RNF180: variants seen among roughly 807,000 people sequenced by gnomAD.
The protein encoded by RNF180 is ring finger protein 180.
A neutral mutation model predicts 59.2 loss-of-function variants in RNF180; 38 were observed. That is an observed-to-expected ratio of 0.64 (90% confidence interval 0.50 to 0.84). RNF180 has a LOEUF of 0.84. Among genes scored for constraint, RNF180 ranks in the 40% least tolerant of loss-of-function variants. The pLI, the probability that RNF180 is intolerant of heterozygous loss-of-function variation, is 0.00. For synonymous variants in RNF180, 262 were observed against 240.3 expected, an observed-to-expected ratio of 1.09 and a Z score of -0.84; for missense variants, 705 against 700.9, an observed-to-expected ratio of 1.01 and a Z score of -0.07.
At chr5:64,249,417 A>G (rs796612223) in intron 5 of RNF180, among the ~76,000 whole-genome samples, 36 of 152,276 alleles carry the variant, frequency 2.4e-4, no homozygotes, top group African/African-American at 8.2e-4. Flanking sequence ...GATTTAGTCA[A>G]AGTGCTAAAG....
At chr5:64,239,462 T>C (rs1039187222) in intron 5 of RNF180, among the ~76,000 whole-genome samples, 6 of 152,166 alleles carry the variant, frequency 3.9e-5, no homozygotes, top group African/African-American at 1.4e-4. Context: ...AATGCACTTT[T>C]TTGGAAGAGC....
At chr5:64,222,332 A>C (rs1201661451) in intron 5 of RNF180, among the ~76,000 whole-genome samples, 1 of 152,136 alleles carries the variant, frequency 6.6e-6, no homozygotes, top group Non-Finnish European at 1.5e-5. Context: ...ACATGTGCAC[A>C]ATGTGCACGT....
chr5:64,355,005 A>T (rs1366224990), intron 7 of RNF180, among the ~76,000 whole-genome samples: 1 of 151,942 alleles, frequency 6.6e-6, no homozygotes, highest in Non-Finnish European at 1.5e-5. Context: ...CCCTAAAATT[A>T]GGAACAAAAT....
chr5:64,271,235 C>G (rs1465397018), intron 5 of RNF180, among the ~76,000 whole-genome samples: 1 of 151,960 alleles, frequency 6.6e-6, no homozygotes, highest in African/African-American at 2.4e-5. Flanking sequence ...TGTATGAATA[C>G]CTACTGTTAG....
intron 7 of RNF180, among the ~76,000 whole-genome samples, chr5:64,350,243 G>T (rs907075476): frequency 2.0e-5 from 3 of 152,054 alleles, no homozygotes; most frequent in African/African-American, 7.2e-5. Flanking sequence ...CACATCCTTT[G>T]CCCACTTTGT....
intron 1 of RNF180, among the ~76,000 whole-genome samples, chr5:64,174,621 A>G (rs1389971620): frequency 6.6e-6 from 1 of 152,120 alleles, no homozygotes; most frequent in Admixed American, 6.5e-5. Flanking sequence ...TTCTTTTGAC[A>G]TCTATTCAGG....
intron 5 of RNF180, among the ~76,000 whole-genome samples, chr5:64,270,822 T>G (rs758149610): frequency 2.2e-4 from 34 of 151,970 alleles, no homozygotes; most frequent in Middle Eastern, 3.4e-3. Flanking sequence ...GTTGCTCATA[T>G]TAAATTGTAT....
chr5:64,215,200 T>C (rs1580021508), intron 4 of RNF180, among the ~76,000 whole-genome samples: 1 of 152,118 alleles, frequency 6.6e-6, no homozygotes, highest in Non-Finnish European at 1.5e-5. Flanking sequence ...TTAAAGCCAA[T>C]GGATGAGATG....
intron 5 of RNF180, among the ~76,000 whole-genome samples, chr5:64,298,544 G>T (rs772032785): frequency 1.3e-5 from 2 of 151,968 alleles, no homozygotes; most frequent in Admixed American, 6.6e-5. Flanking sequence ...TCCAGAAATA[G>T]AATATAATGC....
chr5:64,302,759 C>T (rs889334012), intron 5 of RNF180, among the ~76,000 whole-genome samples: 10 of 151,614 alleles, frequency 6.6e-5, no homozygotes, highest in African/African-American at 2.4e-4. Context: ...CATACATAGC[C>T]TCTTTCCCCT....
intron 5 of RNF180, among the ~76,000 whole-genome samples, chr5:64,224,689 G>T (rs1741565214): frequency 6.6e-6 from 1 of 152,198 alleles, no homozygotes; most frequent in Admixed American, 6.5e-5. Flanking sequence ...TGTCAGTTGG[G>T]AGGTAGGAGA....
chr5:64,186,143 T>G (rs1008344258), intron 1 of RNF180, among the ~76,000 whole-genome samples: 41 of 152,294 alleles, frequency 2.7e-4, no homozygotes, highest in African/African-American at 9.9e-4. Context: ...AAAATGTCTC[T>G]GTATGTGACA....
At chr5:64,216,703 A>C (rs3937894) in intron 4 of RNF180, among the ~76,000 whole-genome samples, 1 of 152,224 alleles carries the variant, frequency 6.6e-6, no homozygotes, top group Non-Finnish European at 1.5e-5. Flanking sequence ...ATTAAAGCAG[A>C]CATTACAGCC....
At chr5:64,298,967 T>A (rs1327688067) in intron 5 of RNF180, among the ~76,000 whole-genome samples, 1 of 151,968 alleles carries the variant, frequency 6.6e-6, no homozygotes, top group Non-Finnish European at 1.5e-5. Context: ...CAAATTTTAT[T>A]TGACAAAATC....
At chr5:64,349,545 A>AC (rs1403018176) in intron 7 of RNF180, among the ~76,000 whole-genome samples, 2 of 151,688 alleles carry the variant, frequency 1.3e-5, no homozygotes, top group African/African-American at 4.8e-5. Flanking sequence ...CTCATCATTT[A>AC]CATTAGGTAT....
At chr5:64,346,106 G>A (rs10039628) in intron 7 of RNF180, among the ~76,000 whole-genome samples, 43,491 of 151,690 alleles carry the variant, frequency 0.29, 6,474 homozygotes, top group African/African-American at 0.35. Context: ...ATAACCATCA[G>A]CATTCATAAT....
At chr5:64,284,416 G>A (rs1311226602) in intron 5 of RNF180, among the ~76,000 whole-genome samples, 2 of 152,188 alleles carry the variant, frequency 1.3e-5, no homozygotes, top group African/African-American at 4.8e-5. Context: ...TGAGGTTAGG[G>A]AATTTTCTTG....
At chr5:64,195,629 T>A (rs1055000444) in intron 1 of RNF180, among the ~76,000 whole-genome samples, 1 of 152,250 alleles carries the variant, frequency 6.6e-6, no homozygotes, top group Admixed American at 6.5e-5. Context: ...TATGGCATAT[T>A]TCTGGCCACA....
chr5:64,350,525 G>A (rs2112581930), intron 7 of RNF180, among the ~76,000 whole-genome samples: 1 of 152,074 alleles, frequency 6.6e-6, no homozygotes, highest in African/African-American at 2.4e-5. Flanking sequence ...TTTCTTCTAG[G>A]GTTTTTATGG....
Sources: gnomAD v4.1 joint callset for allele counts (sites outside exome capture counted in the v4.1 genomes callset) on GRCh38, gnomAD v4.1.1 for gene constraint, MANE v1.5 for transcripts, NCBI Gene and HGNC (gene_info 2026-07-23, HGNC 2026-07-21) for gene names.